The following CGREF1 variants were observed in gnomAD, a reference collection of about 807,000 sequenced individuals.
CGREF1 encodes cell growth regulator with EF-hand domain 1.
CGREF1 carries 16 observed loss-of-function variants against 17.4 expected under a neutral mutation model. That is an observed-to-expected ratio of 0.92 (90% CI 0.62 to 1.40). The LOEUF is 1.40. Among genes scored for constraint, CGREF1 ranks in the 40% most tolerant of loss-of-function variants. CGREF1 has a pLI of 0.00. For synonymous variants in CGREF1, 142 were observed against 154.6 expected (o/e 0.92, Z 0.61); for missense variants, 296 against 376.4 (o/e 0.79, Z 1.77).
At position 27,100,759 on chromosome 2, in the gene CGREF1, T is replaced by G. The variant is rs78413769; in HGVS notation, c.*515A>C. 2,390 of 1,124,060 alleles carry G rather than the reference T, an allele frequency of 2.1e-3. 44 individuals are homozygous for G. The African/African-American group carries it at 0.035, about 17-fold the overall frequency. 69.6% of individuals were successfully genotyped at this position (1,124,060 alleles called of 1,614,324 possible). On this transcript the variant is annotated 3_prime_UTR_variant, in exon 6 of 6. Transcript: ENST00000402394. ...AAAATGCCCAGCATGATGCCTGATG[T>G]GTACAAGGCTCTCAAAAAGTTCTAG...
chr2:27,101,325 G>T lies in CGREF1; in HGVS notation c.906C>A (p.Thr302=), dbSNP rs1405939174. ...LPGETLESKN[T]QNDFEVHIVQ... ...CAATGTGCACCTCAAAGTCATTTTG[G>T]GTGTTCTTAGACTCCAGTGTTTCCC... Residue 302 remains threonine, a synonymous_variant, in exon 6 of 6, where the codon ACC becomes ACA. Transcript: ENST00000402394. 6 of 1,598,386 alleles carry T rather than the reference G, an allele frequency of 3.8e-6. No homozygotes were observed. In the Admixed American group the frequency reaches 1.0e-4, roughly 28 times the overall value.
At chr2:27,112,518 T>A (rs973489801) in intron 1 of CGREF1, among the ~76,000 whole-genome samples, 7 of 152,188 alleles carry the variant, frequency 4.6e-5, no homozygotes, top group African/African-American at 1.7e-4. Context: ...ACTATAAACC[T>A]GAAATGTTTT....
Position 27,102,735 on chromosome 2 carries a change from G to T in CGREF1, c.81-144C>A, listed in dbSNP as rs540373844. On this transcript the variant is annotated intron_variant, in intron 2 of 5. Coordinates refer to ENST00000402394, the MANE Select transcript of CGREF1 (RefSeq NM_006569.6). ...AAAATTCCAAAAACCCTGTAGTGGG[G>T]AGGCTCTTCTGGTCTCCTTGGAACC... The T allele has an allele frequency of 2.8e-5, 28 of 1,000,132 alleles. No homozygotes were observed. In the East Asian group the frequency reaches 5.8e-4, roughly 21 times the overall value. The allele number at this position is 1,000,132 out of a possible 1,614,324, so 62.0% of individuals were successfully genotyped here. A position where few individuals can be genotyped will look rare whatever the true frequency, so the allele number is the denominator to read the frequency against.
Position 27,102,405 on chromosome 2 carries a change from G to GT in CGREF1, c.171dup (p.Leu58ThrfsTer25), listed in dbSNP as rs1558458610. 1 of 1,614,148 alleles carries GT rather than the reference G, an allele frequency of 6.2e-7. No individual in the cohort carries two copies. Among genetic ancestry groups the GT allele is most frequent in the Admixed American group, 1.7e-5 (1 of 60,032 alleles). On this transcript the variant is annotated frameshift_variant, in exon 4 of 6. Transcript: ENST00000402394. LOFTEE classifies it high-confidence loss of function. ...TCCAGTTGCACTTCTGTCCTTCCTA[G>GT]TCCCTTTAGGTAGCTCTGCAGAAGT...
chr2:27,104,068 T>C (rs1487740627), intron 2 of CGREF1, among the ~76,000 whole-genome samples: 2 of 152,176 alleles, frequency 1.3e-5, no homozygotes, highest in South Asian at 4.1e-4. Flanking sequence ...GCACTGGAGC[T>C]GAGTTCTCTG....
In CGREF1 at chr2:27,119,083, C is replaced by G. The variant is rs1382086157; in HGVS notation, c.-249G>C. 2 of 152,460 alleles carry G rather than the reference C, an allele frequency of 1.3e-5. No homozygotes were observed. The highest frequency in any genetic ancestry group is 2.9e-5 in the Non-Finnish European group (2 of 68,028). The allele number at this position is 152,460 out of a possible 1,614,324, so 9.4% of individuals were successfully genotyped here. A position where few individuals can be genotyped will look rare whatever the true frequency, so the allele number is the denominator to read the frequency against. Reference sequence around the variant, plus strand: ...GCTCCACCAGCGCCCCCGCTGCGCCCGCGGCCGGAGGGGCTGCGCGCGCCC... The same window carrying G: ...GCTCCACCAGCGCCCCCGCTGCGCCGGCGGCCGGAGGGGCTGCGCGCGCCC... On this transcript the variant is annotated 5_prime_UTR_variant, in exon 1 of 6. Transcript: ENST00000402394. This position sits in a 1 kb window ranked among gnomAD's most constrained non-coding sequence, Gnocchi z 5.6.
chr2:27,101,403 AGCTTCCCCTCTGGGCCCGGGGGC>A lies in CGREF1; in HGVS notation c.805_827del (p.Ala269TrpfsTer24), dbSNP rs1558456966. 14 of 1,569,144 alleles carry A rather than the reference AGCTTCCCCTCTGGGCCCGGGGGC, an allele frequency of 8.9e-6. No homozygotes were observed. Among genetic ancestry groups the A allele is most frequent in the East Asian group, 4.7e-5 (2 of 42,454 alleles). On this transcript the variant is annotated frameshift_variant, in exon 6 of 6. Transcript: ENST00000402394. LOFTEE classifies it low-confidence loss of function (END_TRUNC). ...TCTCCCTGGCCTCTGCCTGGCCCCC[AGCTTCCCCTCTGGGCCCGGGGGC>A]ATCTCCTTCAGCCTCTGCCTGGCCC...
At chr2:27,106,849 C>T (rs1320621937) in intron 1 of CGREF1, among the ~76,000 whole-genome samples, 1 of 152,214 alleles carries the variant, frequency 6.6e-6, no homozygotes, top group African/African-American at 2.4e-5. Flanking sequence ...AACTCCTGAT[C>T]TCAGGTGATC....
chr2:27,104,835 T>C, intron 1 of CGREF1: 1 of 1,430,502 alleles, frequency 7.0e-7, no homozygotes, highest in Non-Finnish European at 9.2e-7. Flanking sequence ...AAAAGAGAAA[T>C]GGACTGTTTG....
chr2:27,099,373 G>A, downstream of CGREF1: 1 of 1,612,324 alleles, frequency 6.2e-7, no homozygotes, highest in Non-Finnish European at 8.5e-7. Flanking sequence ...AGGATGGCTG[G>A]GGGGACGGGG....
At position 27,104,278 on chromosome 2, in the gene CGREF1, C is replaced by A. The variant is rs1433873109; in HGVS notation, c.80+9G>T. 6.4e-7 allele frequency: 1 copy of A among 1,550,818 alleles called. No individual in the cohort carries two copies. The highest frequency in any genetic ancestry group is 8.7e-7 in the Non-Finnish European group (1 of 1,149,214). On this transcript the variant is annotated intron_variant, in intron 2 of 5. Transcript: ENST00000402394. ...CCAGCCCTTGGCCCTGCCCTCATAA[C>A]CCTGTTACCTTGTGACTCCATCCTT... is the stretch of plus-strand genomic sequence containing the variant.
Position 27,102,423 on chromosome 2 carries a change from G to A in CGREF1, c.154C>T (p.Gln52Ter), listed in dbSNP as rs142317725. ...QPGQEQLGLLQSYLKGLGRTE... is the reference protein window; with the variant it reads ...QPGQEQLGLL Reference sequence around the variant, plus strand: ...CTTCCTAGTCCCTTTAGGTAGCTCTGCAGAAGTCTGTCAGAAAAGTGGAGA... The same window carrying A: ...CTTCCTAGTCCCTTTAGGTAGCTCTACAGAAGTCTGTCAGAAAAGTGGAGA... Residue 52 changes from glutamine to a stop codon, truncating the protein, a stop_gained, in exon 4 of 6, where the codon CAG (glutamine) becomes TAG (stop). Transcript: ENST00000402394. LOFTEE classifies it high-confidence loss of function. The A allele has an allele frequency of 7.4e-6, 12 of 1,613,992 alleles. No individual in the cohort carries two copies. The South Asian group carries it at 1.3e-4, about 18-fold the overall frequency.
At position 27,101,770 on chromosome 2, in the gene CGREF1, T is replaced by TCTC; in HGVS notation, c.458_460dup (p.Gly153dup). On this transcript the variant is annotated inframe_insertion, in exon 6 of 6. Coordinates refer to ENST00000402394, the MANE Select transcript of CGREF1 (RefSeq NM_006569.6). ...CTCCTGAGGAGATGGAGCAAGGGGCTCTCCGGGCTCCACGTGCCTGAGGGC... is the reference window on the plus strand; with the variant it reads ...CTCCTGAGGAGATGGAGCAAGGGGCTCTCCTCCGGGCTCCACGTGCCTGAGGGC... The TCTC allele has an allele frequency of 1.2e-6, 2 of 1,614,170 alleles. No individual in the cohort carries two copies. The highest frequency in any genetic ancestry group is 1.7e-6 in the Non-Finnish European group (2 of 1,180,030).
At position 27,102,571 on chromosome 2, in the gene CGREF1, TG is replaced by T; in HGVS notation, c.100del (p.His34IlefsTer22). On this transcript the variant is annotated frameshift_variant, in exon 3 of 6. Transcript: ENST00000402394. LOFTEE classifies it high-confidence loss of function. ...CTGGAAGGGGTTGGGCAGGAGCTGA[TG>T]CTGCACTTCAGAGTCTGGCCTGGAG... Reference protein sequence around the residue: ...GVTRPDSEVQHQLLPNPFQPG... With the variant: ...GVTRPDSEVQXQLLPNPFQPG... The T allele has an allele frequency of 6.2e-7, 1 of 1,613,256 alleles. No homozygotes were observed. The highest frequency in any genetic ancestry group is 8.5e-7 in the Non-Finnish European group (1 of 1,179,852).
chr2:27,116,615 G>A (rs539579752), intron 1 of CGREF1, among the ~76,000 whole-genome samples: 3 of 151,706 alleles, frequency 2.0e-5, no homozygotes, highest in African/African-American at 7.3e-5. Context: ...TGCTGCCCAG[G>A]CTGGAGTGCA....
rs1005753879 is a variant in CGREF1, at chr2:27,101,677, G to C, written c.554C>G (p.Pro185Arg). 37 of 1,614,254 alleles carry C rather than the reference G, an allele frequency of 2.3e-5. No individual in the cohort carries two copies. Among genetic ancestry groups the C allele is most frequent in the Non-Finnish European group, 3.1e-5 (37 of 1,180,050 alleles). ...SPLRQETQEAPGPREEAKGQV... is the reference protein window; with the variant it reads ...SPLRQETQEARGPREEAKGQV... ...GCCCTTTGCTTCTTCTCTGGGACCA[G>C]GGGCTTCCTGTGTTTCTTGTCTTAA... Residue 185 changes from proline to arginine, a missense_variant, in exon 6 of 6, where the codon CCT becomes CGT. By Grantham distance (103) the Pro-to-Arg change is moderately radical. Around this residue, in one of 3 missense-constraint regions of CGREF1, gnomAD observed 247 missense variants for 267.2 expected, o/e 0.92. Coordinates refer to ENST00000402394, the MANE Select transcript of CGREF1 (RefSeq NM_006569.6).
intron 1 of CGREF1, chr2:27,110,835 G>A (rs566512687): frequency 6.5e-6 from 1 of 152,774 alleles, no homozygotes; most frequent in East Asian, 1.9e-4. Context: ...TCCTTCTGGT[G>A]GGTTTGTGGT....
rs774658749 is a variant in CGREF1 at position 27,112,169 on chromosome 2, T to A, written c.-12+6677A>T. On this transcript the variant is annotated intron_variant, in intron 1 of 5. Coordinates refer to ENST00000402394, the MANE Select transcript of CGREF1 (RefSeq NM_006569.6). ...GTGCACGCCTGTAGTCCTAGCTACT[T>A]GGGAAGCTGAGGTGAAGGATGACTT... 3.7e-4 allele frequency among the ~76,000 whole-genome samples: 56 copies of A among 152,108 alleles called. 1 individual carries two copies. Among genetic ancestry groups the A allele is most frequent in the Non-Finnish European group, 5.1e-4 (35 of 68,016 alleles).
chr2:27,105,862 A>G (rs1285495615), intron 1 of CGREF1, among the ~76,000 whole-genome samples: 1 of 152,172 alleles, frequency 6.6e-6, no homozygotes, highest in African/African-American at 2.4e-5. Context: ...TCATTTTTCT[A>G]TGCATACAAC....
Sources: gnomAD v4.1 joint callset for allele counts (sites outside exome capture counted in the v4.1 genomes callset) on GRCh38, gnomAD v4.1.1 for gene constraint, gnomAD v4.1.1 regional missense constraint, Gnocchi (gnomAD v3.1) non-coding constraint, MANE v1.5 for transcripts, NCBI Gene and HGNC (gene_info 2026-07-23, HGNC 2026-07-21) for gene names.